CCDC148: variants seen among roughly 807,000 people sequenced by gnomAD.
CCDC148 encodes the protein coiled-coil domain-containing protein 148.
Under a neutral mutation model 85.7 loss-of-function variants are expected in CCDC148, and 89 were observed. The ratio of observed to expected loss-of-function variants is 1.04; its 90% CI spans 0.87 to 1.24. The LOEUF is 1.24. Among genes scored for constraint, CCDC148 ranks in the 50% most tolerant of loss-of-function variants. The probability of loss-of-function intolerance (pLI) is 0.00; values close to 1 mark genes in which losing one functional copy is unlikely to be tolerated. For missense variants in CCDC148, 692 were observed against 671.7 expected, an observed-to-expected ratio of 1.03 and a Z score of -0.33; for synonymous variants, 230 against 213.9, an observed-to-expected ratio of 1.08 and a Z score of -0.66.
chr2:158,340,821 T>G lies in CCDC148; in HGVS notation c.252-141A>C, dbSNP rs923418343. 100 of 610,830 alleles carry G rather than the reference T, an allele frequency of 1.6e-4. 2 individuals carry two copies. In the South Asian group the frequency reaches 2.0e-3, roughly 12 times the overall value. The allele number at this position is 610,830 out of a possible 1,614,324, so 37.8% of individuals were successfully genotyped here. ...CATGTACTAAATTCCTAACATGGCT[T>G]GAGTCTTTACTAGACACTGAGGTAG... is the stretch of plus-strand genomic sequence containing the variant. On this transcript the variant is annotated intron_variant, in intron 3 of 13. Transcript: ENST00000283233.
intron 1 of CCDC148, among the ~76,000 whole-genome samples, chr2:158,362,838 G>A (rs954573648): frequency 5.3e-5 from 8 of 150,910 alleles, no homozygotes; most frequent in Non-Finnish European, 7.4e-5. Flanking sequence ...AACTGAAGGA[G>A]ATAGAGACAC....
In CCDC148 at chr2:158,338,985, C is replaced by T. The variant is rs371269896; in HGVS notation, c.582+5G>A. 6.2e-7 allele frequency: 1 copy of T among 1,611,316 alleles called. No homozygotes were observed. The highest frequency in any genetic ancestry group is 1.3e-5 in the African/African-American group (1 of 74,818). On this transcript the variant is annotated splice_donor_5th_base_variant and intron_variant, in intron 6 of 13. Coordinates refer to ENST00000283233, the MANE Select transcript of CCDC148 (RefSeq NM_138803.4). ...CACATAAATTATTAGCCACATCACACTTACCTTTATACTCCAGTCTGAAAG... is the reference window on the plus strand; with the variant it reads ...CACATAAATTATTAGCCACATCACATTTACCTTTATACTCCAGTCTGAAAG...
Position 158,456,466 on chromosome 2 carries a change from G to A in CCDC148, c.-27C>T. The A allele has an allele frequency of 6.2e-7, 1 of 1,607,382 alleles. No individual in the cohort carries two copies. Among genetic ancestry groups the A allele is most frequent in the Non-Finnish European group, 8.5e-7 (1 of 1,176,938 alleles). On this transcript the variant is annotated 5_prime_UTR_variant, in exon 1 of 14. Transcript: ENST00000283233. Reference sequence around the variant, plus strand: ...TCAAAGGTCAAAGGGCATAGCCTCAGGGACTCCCCAAACGCAGGAAAAGTG... The same window carrying A: ...TCAAAGGTCAAAGGGCATAGCCTCAAGGACTCCCCAAACGCAGGAAAAGTG...
At chr2:158,431,270 C>T (rs1481298328) in intron 1 of CCDC148, among the ~76,000 whole-genome samples, 1 of 150,502 alleles carries the variant, frequency 6.6e-6, no homozygotes, top group Non-Finnish European at 1.5e-5. Context: ...TTAATAAAAC[C>T]ATTCAAAGGC....
At chr2:158,419,888 C>A (rs1686688619) in intron 1 of CCDC148, 1 of 152,006 alleles carries the variant, frequency 6.6e-6, no homozygotes. Flanking sequence ...AATTTTCCCA[C>A]CCCTAGAAAG....
At chr2:158,373,215 G>T (rs1386800439) in intron 1 of CCDC148, among the ~76,000 whole-genome samples, 1 of 151,938 alleles carries the variant, frequency 6.6e-6, no homozygotes, top group Non-Finnish European at 1.5e-5. Flanking sequence ...ATGAAACCAT[G>T]ACCCAAACAA....
chr2:158,388,126 T>A (rs1685165477), intron 1 of CCDC148, among the ~76,000 whole-genome samples: 1 of 152,232 alleles, frequency 6.6e-6, no homozygotes, highest in African/African-American at 2.4e-5. Flanking sequence ...TTGTTGCTAT[T>A]ATGGCTTAAC....
chr2:158,330,512 G>T (rs935560819), intron 7 of CCDC148, among the ~76,000 whole-genome samples: 6 of 152,158 alleles, frequency 3.9e-5, no homozygotes, highest in African/African-American at 1.4e-4. Flanking sequence ...TCAGGATGAT[G>T]CTGGCCTCAT....
chr2:158,330,484 C>G (rs1330547116), intron 7 of CCDC148, among the ~76,000 whole-genome samples: 1 of 152,076 alleles, frequency 6.6e-6, no homozygotes, highest in Non-Finnish European at 1.5e-5. Flanking sequence ...TTTGTTGTGT[C>G]TCTGGCAGGC....
chr2:158,216,813 C>T (rs1305184981), intron 11 of CCDC148, among the ~76,000 whole-genome samples: 1 of 152,028 alleles, frequency 6.6e-6, no homozygotes, highest in Non-Finnish European at 1.5e-5. Flanking sequence ...ATGTAAAAGT[C>T]AATTGATAGG....
intron 10 of CCDC148, among the ~76,000 whole-genome samples, chr2:158,242,697 T>C (rs563813667): frequency 2.0e-5 from 3 of 150,480 alleles, no homozygotes; most frequent in Non-Finnish European, 4.4e-5. Flanking sequence ...AAATACATCC[T>C]CTTAGATCAA....
Position 158,339,853 on chromosome 2 carries a change from T to C in CCDC148, c.486+389A>G, listed in dbSNP as rs1049218445. Among the ~76,000 whole-genome samples the C allele has an allele frequency of 1.4e-4, 22 of 152,246 alleles. No individual in the cohort carries two copies. The Middle Eastern group carries it at 0.01, about 71-fold the overall frequency. ...TGGAAATGTCAGGTAGCAGATGTGA[T>C]TGAAGAAGCAAAAAGGGGGCTATAG... On this transcript the variant is annotated intron_variant, in intron 5 of 13. Transcript: ENST00000283233.
intron 9 of CCDC148, among the ~76,000 whole-genome samples, chr2:158,292,301 C>G (rs953463875): frequency 6.6e-6 from 1 of 152,112 alleles, no homozygotes; most frequent in African/African-American, 2.4e-5. Flanking sequence ...TTATAATCAG[C>G]TTGGCAAGGA....
chr2:158,450,946 C>T (rs1252410042), intron 1 of CCDC148, among the ~76,000 whole-genome samples: 2 of 152,186 alleles, frequency 1.3e-5, no homozygotes, highest in East Asian at 1.9e-4. Flanking sequence ...TGGTATACTT[C>T]GATTCTGTCC....
chr2:158,443,091 T>C (rs1235890031), intron 1 of CCDC148, among the ~76,000 whole-genome samples: 1 of 151,592 alleles, frequency 6.6e-6, no homozygotes, highest in African/African-American at 2.4e-5. Context: ...CTTGTTAAGG[T>C]AGGGGTAAGG....
At chr2:158,383,021 T>C (rs1004667133) in intron 1 of CCDC148, among the ~76,000 whole-genome samples, 3 of 151,632 alleles carry the variant, frequency 2.0e-5, no homozygotes, top group Non-Finnish European at 2.9e-5. Flanking sequence ...TGACATAGGC[T>C]GGGTGCAGTG....
intron 1 of CCDC148, among the ~76,000 whole-genome samples, 172 bp downstream of exon 1, chr2:158,456,243 A>T (rs1292471927): frequency 6.6e-6 from 1 of 152,196 alleles, no homozygotes; most frequent in Non-Finnish European, 1.5e-5. Context: ...TCCTCAAAGG[A>T]AATCCTCTTT....
At chr2:158,424,638 G>GCA in intron 1 of CCDC148, 1 of 175,820 alleles carries the variant, frequency 5.7e-6, no homozygotes, top group Non-Finnish European at 1.2e-5. Flanking sequence ...AATGGGTGCA[G>GCA]CACACCAACA....
chr2:158,228,352 T>C (rs1687666710), intron 10 of CCDC148, among the ~76,000 whole-genome samples: 1 of 152,182 alleles, frequency 6.6e-6, no homozygotes, highest in Admixed American at 6.5e-5. Context: ...ACTTTTACAC[T>C]GTTGGTGGGA....
Sources: gnomAD v4.1 joint callset for allele counts (sites outside exome capture counted in the v4.1 genomes callset) on GRCh38, gnomAD v4.1.1 for gene constraint, MANE v1.5 for transcripts, NCBI Gene and HGNC (gene_info 2026-07-23, HGNC 2026-07-21) for gene names.